Variants in EBF2 observed in about 807,000 individuals in gnomAD.
EBF2 encodes the protein EBF transcription factor 2, also known as transcription factor COE2.
A neutral mutation model predicts 72.8 loss-of-function variants in EBF2; 21 were observed. That is an observed-to-expected ratio of 0.29 (90% CI 0.20 to 0.42). The LOEUF is 0.42. EBF2 is among the 10% of genes least tolerant of loss of function. EBF2 has a pLI of 1.00. For missense variants in EBF2, 637 were observed against 731.2 expected (o/e 0.87, Z 1.49); for synonymous variants, 299 against 274.2 (o/e 1.09, Z -0.89).
At chr8:26,015,213 C>G (rs117593533) in intron 6 of EBF2, among the ~76,000 whole-genome samples, 3,443 of 152,160 alleles carry the variant, frequency 0.023, 57 homozygotes, top group Middle Eastern at 0.061. Flanking sequence ...ATAGTGACCA[C>G]AGAAGAAAAA....
chr8:25,975,072 C>T (rs1804247341), intron 6 of EBF2, among the ~76,000 whole-genome samples: 1 of 152,092 alleles, frequency 6.6e-6, no homozygotes, highest in Non-Finnish European at 1.5e-5. Flanking sequence ...GTTGCAACCT[C>T]GGCTCGAAAT....
chr8:25,994,008 AC>A (rs1474482954), intron 6 of EBF2, among the ~76,000 whole-genome samples: 1 of 152,164 alleles, frequency 6.6e-6, no homozygotes, highest in Non-Finnish European at 1.5e-5. Context: ...GTGTCAGAAA[AC>A]ATAGGACCTA....
At chr8:26,022,838 G>C (rs1805225694) in intron 6 of EBF2, among the ~76,000 whole-genome samples, 1 of 152,148 alleles carries the variant, frequency 6.6e-6, no homozygotes, top group African/African-American at 2.4e-5. Flanking sequence ...TATAGGCTTT[G>C]GTCTAGGCTG....
intron 6 of EBF2, among the ~76,000 whole-genome samples, chr8:25,969,362 A>C (rs1438484876): frequency 6.6e-6 from 1 of 152,242 alleles, no homozygotes; most frequent in African/African-American, 2.4e-5. Context: ...GGAAGCTGAG[A>C]TCAATCACCT....
At chr8:25,866,002 G>T (rs1252255575) in intron 10 of EBF2, among the ~76,000 whole-genome samples, 3 of 151,390 alleles carry the variant, frequency 2.0e-5, no homozygotes, top group African/African-American at 7.3e-5. Flanking sequence ...CCCAGCCTGG[G>T]TGACAGAGCA....
At position 25,862,812 on chromosome 8, in the gene EBF2, T is replaced by A; in HGVS notation, c.1010-15A>T. ...TTCATTTAATGCTGAAAGAGAAAAG[T>A]CCTCTTTCTGAGTTGGTATCCTGGC... On this transcript the variant is annotated splice_polypyrimidine_tract_variant and intron_variant, in intron 10 of 15. Transcript: ENST00000520164. The A allele has an allele frequency of 6.4e-7, 1 of 1,568,470 alleles. No homozygotes were observed. The highest frequency in any genetic ancestry group is 8.6e-7 in the Non-Finnish European group (1 of 1,156,194).
At chr8:25,864,341 G>A (rs1437102162) in intron 10 of EBF2, among the ~76,000 whole-genome samples, 1 of 152,124 alleles carries the variant, frequency 6.6e-6, no homozygotes, top group Non-Finnish European at 1.5e-5. Flanking sequence ...TAAACTGCGT[G>A]TTAATACTTT....
intron 6 of EBF2, among the ~76,000 whole-genome samples, chr8:25,926,892 G>A (rs1803396961): frequency 6.6e-6 from 1 of 152,190 alleles, no homozygotes; most frequent in South Asian, 2.1e-4. Context: ...TGGAATGAAG[G>A]AGGAGGTCCA....
At chr8:25,964,304 G>A (rs1000048155) in intron 6 of EBF2, among the ~76,000 whole-genome samples, 1 of 152,124 alleles carries the variant, frequency 6.6e-6, no homozygotes. Flanking sequence ...TATCTAAACT[G>A]TCCTGGCAAA....
At chr8:26,028,853 T>G (rs1203242926) in intron 6 of EBF2, among the ~76,000 whole-genome samples, 1 of 152,224 alleles carries the variant, frequency 6.6e-6, no homozygotes, top group African/African-American at 2.4e-5. Flanking sequence ...TTTTTTCCCC[T>G]GATGGGGACT....
At position 26,040,480 on chromosome 8, in the gene EBF2, TG is replaced by T. The variant is rs1805579847; in HGVS notation, c.408+135del. 6 of 730,588 alleles carry T rather than the reference TG, an allele frequency of 8.2e-6. No individual in the cohort carries two copies. The South Asian group carries it at 9.8e-5, about 12-fold the overall frequency. 45.3% of individuals were successfully genotyped at this position (730,588 alleles called of 1,614,324 possible). A position where few individuals can be genotyped will look rare whatever the true frequency, so the allele number is the denominator to read the frequency against. ...AAATCTTCCCTAGCAGACAAGGTGC[TG>T]GGAGGGGGACGTGGAGGGGGCTGTG... On this transcript the variant is annotated intron_variant, in intron 4 of 15. Coordinates refer to ENST00000520164, the MANE Select transcript of EBF2 (RefSeq NM_022659.4).
At chr8:25,986,774 C>T (rs1047135687) in intron 6 of EBF2, among the ~76,000 whole-genome samples, 4 of 152,146 alleles carry the variant, frequency 2.6e-5, no homozygotes. Context: ...TAGGTGGAGA[C>T]GGTTCCTAAG....
At chr8:25,895,298 AT>A (rs1377713938) in intron 7 of EBF2, among the ~76,000 whole-genome samples, 2 of 152,132 alleles carry the variant, frequency 1.3e-5, no homozygotes, top group Non-Finnish European at 1.5e-5. Flanking sequence ...ATCAGGATCA[AT>A]TGAAATTGCT....
chr8:25,945,828 T>A (rs945779087), intron 6 of EBF2, among the ~76,000 whole-genome samples: 8 of 152,032 alleles, frequency 5.3e-5, no homozygotes, highest in African/African-American at 1.2e-4. Context: ...ATTTATATTT[T>A]TGGAGCTTTA....
At chr8:26,035,589 T>G (rs1188948709) in intron 5 of EBF2, among the ~76,000 whole-genome samples, 1 of 152,218 alleles carries the variant, frequency 6.6e-6, no homozygotes, top group East Asian at 1.9e-4. Context: ...TGAGTAAGTC[T>G]ACCATCCTCA....
chr8:25,981,523 G>T (rs538580046), intron 6 of EBF2, among the ~76,000 whole-genome samples: 106 of 152,248 alleles, frequency 7.0e-4, no homozygotes, highest in Non-Finnish European at 1.3e-3. Flanking sequence ...ACCTGTGGAA[G>T]GCCCGATGTG....
intron 11 of EBF2, among the ~76,000 whole-genome samples, chr8:25,861,992 T>C (rs924800195): frequency 6.6e-6 from 1 of 152,216 alleles, no homozygotes; most frequent in Non-Finnish European, 1.5e-5. Flanking sequence ...TATCATCTAA[T>C]TTAATGGTGG....
chr8:26,044,752 C>T lies in EBF2; in HGVS notation c.108G>A (p.Val36=). The change falls in exon 1 of 16, where the codon GTG becomes GTA. Residue 36 remains valine (V), a synonymous_variant. Transcript: ENST00000520164. This position sits in a 1 kb window ranked among gnomAD's most constrained non-coding sequence, Gnocchi z 4.1. ...ACCTCTGCGCGGCGACATTAGCGTC[C>T]ACCACTCCGACATTCCGGACCCAGG... is the stretch of plus-strand genomic sequence containing the variant. The part of the protein sequence containing the change: ...VRSWVRNVGV[V]DANVAAQSGV... The T allele has an allele frequency of 6.2e-7, 1 of 1,614,146 alleles. No individual in the cohort carries two copies. Among genetic ancestry groups the T allele is most frequent in the Non-Finnish European group, 8.5e-7 (1 of 1,180,008 alleles).
intron 7 of EBF2, among the ~76,000 whole-genome samples, chr8:25,907,640 G>A (rs1803059417): frequency 6.6e-6 from 1 of 151,920 alleles, no homozygotes; most frequent in African/African-American, 2.4e-5. Flanking sequence ...GCTTGTCTCA[G>A]GCGAAACATG....
Sources: allele counts gnomAD v4.1 joint callset (sites outside exome capture counted in the v4.1 genomes callset), GRCh38; gene constraint gnomAD v4.1.1; non-coding constraint Gnocchi (gnomAD v3.1); transcripts MANE v1.5; gene names NCBI Gene and HGNC (gene_info 2026-07-23, HGNC 2026-07-21).